Variants in CPNE4 observed in about 807,000 individuals in gnomAD.
CPNE4 encodes the protein copine 4, also known as copine-4.
In CPNE4, 25 loss-of-function variants were observed where a neutral mutation model predicts 67.9. That is an observed-to-expected ratio of 0.37 (90% confidence interval 0.27 to 0.51). The LOEUF (loss-of-function observed/expected upper bound fraction) is 0.51. Ranked by LOEUF, CPNE4 falls within the 20% of genes least tolerant of loss-of-function variation. The pLI is 0.93. For synonymous variants in CPNE4, 242 were observed against 244.9 expected (o/e 0.99, Z 0.11); for missense variants, 464 against 690.8 (o/e 0.67, Z 3.68).
chr3:131,994,958 T>A (rs536617025), intron 1 of CPNE4, among the ~76,000 whole-genome samples: 2 of 152,306 alleles, frequency 1.3e-5, no homozygotes, highest in East Asian at 3.9e-4. Context: ...CCTGTTCAAC[T>A]TTTAAGGTGC....
At chr3:131,909,890 A>T (rs926902805) in intron 1 of CPNE4, among the ~76,000 whole-genome samples, 2 of 152,170 alleles carry the variant, frequency 1.3e-5, no homozygotes, top group Non-Finnish European at 2.9e-5. Flanking sequence ...AACTGGAGGC[A>T]CATGTTTAGA....
chr3:131,688,619 T>C (rs985182491), intron 5 of CPNE4, among the ~76,000 whole-genome samples: 2 of 152,232 alleles, frequency 1.3e-5, no homozygotes, highest in African/African-American at 4.8e-5. Context: ...CCTCAGGGGA[T>C]GTTTTTATGA....
intron 7 of CPNE4, among the ~76,000 whole-genome samples, chr3:131,629,982 C>T (rs561904574): frequency 9.2e-5 from 14 of 152,132 alleles, no homozygotes; most frequent in Admixed American, 2.6e-4. Context: ...GTACTGTACT[C>T]ATCCTTCTTC....
At chr3:131,541,739 C>G (rs1462346371) in intron 15 of CPNE4, among the ~76,000 whole-genome samples, 1 of 151,500 alleles carries the variant, frequency 6.6e-6, no homozygotes, top group Non-Finnish European at 1.5e-5. Flanking sequence ...GGTGTGATCT[C>G]GGCTCACTGC....
Position 131,773,354 on chromosome 3 carries a change from A to ATTTATTTC in CPNE4, c.181-49730_181-49729insGAAATAAA, listed in dbSNP as rs1243670618. Among the ~76,000 whole-genome samples, 3 of 151,642 alleles carry ATTTATTTC rather than the reference A, an allele frequency of 2.0e-5. No individual in the cohort carries two copies. In the East Asian group the frequency reaches 5.8e-4, roughly 29 times the overall value. On this transcript the variant is annotated intron_variant, in intron 2 of 15. Transcript: ENST00000429747. ...GATTATTAATGAAGTTTTATTTATT[A>ATTTATTTC]TTTATTTATTTGAGATAGAGTTTTG...
At position 131,948,045 on chromosome 3, in the gene CPNE4, T is replaced by A. The variant is rs1269222146; in HGVS notation, c.-1-42601A>T. 1.5e-4 allele frequency among the ~76,000 whole-genome samples: 14 copies of A among 93,094 alleles called. No homozygotes were observed. In the East Asian group the frequency reaches 4.0e-3, roughly 27 times the overall value. 61.1% of individuals were successfully genotyped at this position (93,094 alleles called of 152,430 possible). A position where few individuals can be genotyped will look rare whatever the true frequency, so the allele number is the denominator to read the frequency against. On this transcript the variant is annotated intron_variant, in intron 1 of 15. Coordinates refer to ENST00000429747, the MANE Select transcript of CPNE4 (RefSeq NM_130808.3). ...GGGGTGTCTTTCTATTTTTTAGGTC[T>A]TCTTTAATTTCTTTCAGCAATGTTT... is the stretch of plus-strand genomic sequence containing the variant.
At chr3:131,850,819 T>A (rs2086211597) in intron 2 of CPNE4, among the ~76,000 whole-genome samples, 3 of 152,110 alleles carry the variant, frequency 2.0e-5, no homozygotes, top group African/African-American at 7.2e-5. Context: ...TGTAGAGTGG[T>A]TAACCAGATC....
chr3:131,609,195 C>T (rs1196615092), intron 7 of CPNE4, among the ~76,000 whole-genome samples: 1 of 152,166 alleles, frequency 6.6e-6, no homozygotes, highest in Admixed American at 6.5e-5. Context: ...GCTGCAACCA[C>T]TTCTATTTAA....
At chr3:131,763,689 A>G (rs2082944790) in intron 2 of CPNE4, among the ~76,000 whole-genome samples, 1 of 152,154 alleles carries the variant, frequency 6.6e-6, no homozygotes, top group African/African-American at 2.4e-5. Flanking sequence ...ACATCAAGGA[A>G]TAAATAGTAT....
At chr3:131,781,820 A>T (rs1010407978) in intron 2 of CPNE4, among the ~76,000 whole-genome samples, 1 of 152,074 alleles carries the variant, frequency 6.6e-6, no homozygotes, top group Admixed American at 6.6e-5. Context: ...GTGGCTTCAC[A>T]TTTTTTGTCT....
chr3:131,954,942 G>A (rs1454063569), intron 1 of CPNE4, among the ~76,000 whole-genome samples: 1 of 147,110 alleles, frequency 6.8e-6, no homozygotes, highest in Non-Finnish European at 1.5e-5. Context: ...TGTGAACAGT[G>A]CCGCAATAAA....
chr3:131,587,652 A>C, intron 7 of CPNE4, 70 bp from the exon 8 acceptor site: 1 of 1,108,246 alleles, frequency 9.0e-7, no homozygotes, highest in Non-Finnish European at 1.4e-6. Context: ...GGCAATGTTA[A>C]CTTTAGGAGA....
At chr3:131,999,619 A>G (rs572145650) in intron 1 of CPNE4, among the ~76,000 whole-genome samples, 1 of 152,216 alleles carries the variant, frequency 6.6e-6, no homozygotes, top group African/African-American at 2.4e-5. Flanking sequence ...TTTGAAATGC[A>G]CCAAAATATA....
chr3:131,864,502 CTGTT>C (rs1462711652), intron 2 of CPNE4, among the ~76,000 whole-genome samples: 14 of 151,864 alleles, frequency 9.2e-5, no homozygotes, highest in South Asian at 8.3e-4. Context: ...ATTTGGCTCT[CTGTT>C]TGTCTGTTAT....
At chr3:131,798,695 C>T (rs566854065) in intron 2 of CPNE4, among the ~76,000 whole-genome samples, 48 of 152,084 alleles carry the variant, frequency 3.2e-4, no homozygotes, top group Non-Finnish European at 5.9e-4. Context: ...CCAACTTTTT[C>T]TCAACTAGGC....
intron 9 of CPNE4, among the ~76,000 whole-genome samples, chr3:131,577,280 C>G (rs1559927085): frequency 6.6e-6 from 1 of 152,020 alleles, no homozygotes; most frequent in African/African-American, 2.4e-5. Flanking sequence ...TATGTATACA[C>G]ACACATAAAC....
chr3:131,622,657 GA>G (rs1245891741), intron 7 of CPNE4, among the ~76,000 whole-genome samples: 1 of 152,188 alleles, frequency 6.6e-6, no homozygotes, highest in African/African-American at 2.4e-5. Flanking sequence ...CTGCTTATGG[GA>G]AAAAGTCTGT....
At chr3:131,623,019 G>T (rs868781111) in intron 7 of CPNE4, among the ~76,000 whole-genome samples, 11 of 152,272 alleles carry the variant, frequency 7.2e-5, no homozygotes, top group Middle Eastern at 3.4e-3. Context: ...TCCTTAAATG[G>T]AGACCAAATG....
chr3:131,765,297 C>T (rs1480532653), intron 2 of CPNE4, among the ~76,000 whole-genome samples: 2 of 152,092 alleles, frequency 1.3e-5, no homozygotes, highest in Non-Finnish European at 2.9e-5. Context: ...GCTAAACTTA[C>T]TGGGAACAAC....
Sources: gnomAD v4.1 joint callset for allele counts (sites outside exome capture counted in the v4.1 genomes callset) on GRCh38, gnomAD v4.1.1 for gene constraint, MANE v1.5 for transcripts, NCBI Gene and HGNC (gene_info 2026-07-23, HGNC 2026-07-21) for gene names.